The following SLC25A26 variants were observed in gnomAD, a reference collection of about 807,000 sequenced individuals.
SLC25A26 encodes the protein mitochondrial S-adenosylmethionine carrier protein.
SLC25A26 carries 36 observed loss-of-function variants against 37.8 expected under a neutral mutation model. The ratio of observed to expected loss-of-function variants is 0.95; its 90% CI spans 0.73 to 1.26. SLC25A26 has a LOEUF of 1.26. Among genes scored for constraint, SLC25A26 ranks in the 50% most tolerant of loss-of-function variants. The probability of loss-of-function intolerance (pLI) is 0.00; values close to 1 mark genes in which losing one functional copy is unlikely to be tolerated. For synonymous variants in SLC25A26, 129 were observed against 122.5 expected (o/e 1.05, Z -0.35); for missense variants, 390 against 331.1 (o/e 1.18, Z -1.38).
At chr3:66,342,261 G>A (rs911277371) in intron 5 of SLC25A26, among the ~76,000 whole-genome samples, 35 of 152,190 alleles carry the variant, frequency 2.3e-4, no homozygotes, top group African/African-American at 6.3e-4. Context: ...TTTTTTAAAC[G>A]TATTGCTAGA....
chr3:66,372,171 G>C (rs879775001), intron 9 of SLC25A26, among the ~76,000 whole-genome samples: 38 of 152,324 alleles, frequency 2.5e-4, no homozygotes, highest in Admixed American at 9.8e-4. Context: ...ACATTCAGTG[G>C]CTTTTTTAGA....
intron 1 of SLC25A26, among the ~76,000 whole-genome samples, chr3:66,134,360 C>G (rs942606422): frequency 9.9e-5 from 15 of 152,174 alleles, no homozygotes; most frequent in African/African-American, 3.6e-4. Context: ...GCTGGGTTCA[C>G]TAAGTTTATC....
intron 4 of SLC25A26, 57 bp downstream of exon 4, chr3:66,262,212 A>G: frequency 1.1e-6 from 1 of 883,600 alleles, no homozygotes; most frequent in Non-Finnish European, 1.7e-6. Context: ...AGTAGCTAAT[A>G]CGAACACTGT....
intron 1 of SLC25A26, among the ~76,000 whole-genome samples, chr3:66,191,030 A>G (rs1222760314): frequency 1.4e-5 from 2 of 146,348 alleles, no homozygotes; most frequent in Non-Finnish European, 3.0e-5. Flanking sequence ...TAGTGCATAT[A>G]AGCTCAGTTT....
chr3:66,209,252 G>GTA (rs1228806907), intron 1 of SLC25A26, among the ~76,000 whole-genome samples: 2 of 137,650 alleles, frequency 1.5e-5, no homozygotes, highest in East Asian at 2.2e-4. Flanking sequence ...ATATAAAGGT[G>GTA]TATATATATG....
At chr3:66,258,662 A>T (rs972744716) in intron 3 of SLC25A26, among the ~76,000 whole-genome samples, 1 of 152,148 alleles carries the variant, frequency 6.6e-6, no homozygotes, top group African/African-American at 2.4e-5. Context: ...TTATTAAACC[A>T]CACACATCCA....
In SLC25A26 at chr3:66,160,934, CA is replaced by C. The variant is rs370435369; in HGVS notation, c.-354+26960del. Among the ~76,000 whole-genome samples, 245 of 146,876 alleles carry C rather than the reference CA, an allele frequency of 1.7e-3. 4 individuals carry two copies. In the East Asian group the frequency reaches 0.031, roughly 19 times the overall value. ...TGGGCAACAGAGCAAGACTCTGTCTCAAAAAAAAAATGTAATTAAAGGGAAC... is the reference window on the plus strand; with the variant it reads ...TGGGCAACAGAGCAAGACTCTGTCTCAAAAAAAAATGTAATTAAAGGGAAC... On this transcript the variant is annotated intron_variant, in intron 1 of 10. Transcript: ENST00000676754.
intron 6 of SLC25A26, among the ~76,000 whole-genome samples, chr3:66,349,249 G>A (rs928441566): frequency 5.9e-5 from 9 of 151,960 alleles, no homozygotes; most frequent in Admixed American, 5.9e-4. Context: ...GTCGTTTCTT[G>A]AGGAACGCTT....
At chr3:66,211,851 G>A (rs988022559) in intron 1 of SLC25A26, among the ~76,000 whole-genome samples, 53 of 152,152 alleles carry the variant, frequency 3.5e-4, no homozygotes, top group African/African-American at 1.0e-3. Context: ...ATTTTTAAGC[G>A]TACAGTTCAG....
At chr3:66,162,441 AG>A (rs2070373266) in intron 1 of SLC25A26, among the ~76,000 whole-genome samples, 1 of 151,802 alleles carries the variant, frequency 6.6e-6, no homozygotes, top group South Asian at 2.1e-4. Flanking sequence ...ATCGAAAAAA[AG>A]CAGAATTTAG....
intron 5 of SLC25A26, among the ~76,000 whole-genome samples, chr3:66,281,512 A>G (rs944929071): frequency 6.6e-6 from 1 of 152,150 alleles, no homozygotes; most frequent in African/African-American, 2.4e-5. Context: ...TGTAGGGAAG[A>G]GTTTCCTCCC....
intron 1 of SLC25A26, among the ~76,000 whole-genome samples, chr3:66,140,598 C>A (rs2070019428): frequency 6.6e-6 from 1 of 152,164 alleles, no homozygotes; most frequent in Non-Finnish European, 1.5e-5. Flanking sequence ...TAAATCTGTT[C>A]ATTCACCTGA....
At chr3:66,187,867 A>G (rs1376724503) in intron 1 of SLC25A26, among the ~76,000 whole-genome samples, 2 of 151,564 alleles carry the variant, frequency 1.3e-5, no homozygotes, top group Admixed American at 6.6e-5. Flanking sequence ...TTGAGAATGA[A>G]AAGACTCTGA....
chr3:66,322,013 C>G (rs2075707680), intron 5 of SLC25A26, among the ~76,000 whole-genome samples: 1 of 152,100 alleles, frequency 6.6e-6, no homozygotes, highest in Admixed American at 6.5e-5. Flanking sequence ...CCCCATGACC[C>G]AAGTACCTCC....
intron 1 of SLC25A26, among the ~76,000 whole-genome samples, chr3:66,212,017 C>A (rs995440642): frequency 1.3e-5 from 2 of 152,118 alleles, no homozygotes; most frequent in Non-Finnish European, 2.9e-5. Context: ...TGAACCGAAC[C>A]GCAGTCCAAA....
At chr3:66,138,690 AG>A (rs1402970422) in intron 1 of SLC25A26, among the ~76,000 whole-genome samples, 1 of 152,062 alleles carries the variant, frequency 6.6e-6, no homozygotes, top group African/African-American at 2.4e-5. Context: ...AGGGAGATGA[AG>A]GGAAGCAGTT....
At chr3:66,263,458 A>C in intron 5 of SLC25A26, 79 bp downstream of exon 5, 2 of 855,938 alleles carry the variant, frequency 2.3e-6, no homozygotes, top group Middle Eastern at 2.2e-4. Context: ...CTTAACAATT[A>C]GAAATATATT....
chr3:66,208,357 C>CT (rs1258657217), intron 1 of SLC25A26, among the ~76,000 whole-genome samples: 97 of 150,514 alleles, frequency 6.4e-4, no homozygotes, highest in African/African-American at 2.2e-3. Context: ...CTGAGAGAAC[C>CT]TTTTTTTTTA....
intron 1 of SLC25A26, among the ~76,000 whole-genome samples, chr3:66,213,205 G>T (rs966941340): frequency 1.1e-4 from 17 of 152,040 alleles, no homozygotes; most frequent in Admixed American, 6.5e-4. Flanking sequence ...TTCAAGACCA[G>T]CTTGGCCAAC....
Sources: gnomAD v4.1 joint callset for allele counts (sites outside exome capture counted in the v4.1 genomes callset) on GRCh38, gnomAD v4.1.1 for gene constraint, MANE v1.5 for transcripts, NCBI Gene and HGNC (gene_info 2026-07-23, HGNC 2026-07-21) for gene names.